Variants in FAM13A observed in about 807,000 individuals in gnomAD.
FAM13A encodes the protein family with sequence similarity 13 member A.
FAM13A carries 76 observed loss-of-function variants against 129.6 expected under a neutral mutation model. That is an observed-to-expected ratio of 0.59 (90% CI 0.49 to 0.71). The LOEUF is 0.71. FAM13A is among the 30% of genes least tolerant of loss of function. FAM13A has a pLI of 0.00. For synonymous variants in FAM13A, 443 were observed against 449.9 expected, an observed-to-expected ratio of 0.98 and a Z score of 0.20; for missense variants, 1,108 against 1,249.3, an observed-to-expected ratio of 0.89 and a Z score of 1.70.
chr4:88,828,538 T>C (rs1282126112), intron 7 of FAM13A, among the ~76,000 whole-genome samples: 1 of 152,224 alleles, frequency 6.6e-6, no homozygotes, highest in Non-Finnish European at 1.5e-5. Flanking sequence ...GAATCTGCTG[T>C]ATATATTATC....
chr4:88,942,765 C>T (rs1049352496), intron 4 of FAM13A, among the ~76,000 whole-genome samples: 13 of 151,998 alleles, frequency 8.6e-5, no homozygotes, highest in Non-Finnish European at 1.3e-4. Flanking sequence ...ACTAACTCTC[C>T]GAATTGCCTA....
chr4:88,961,347 CTTTTTTTTTTTTTTTTTTTTTTTTTT>C (rs773764813), intron 4 of FAM13A, among the ~76,000 whole-genome samples: 1 of 55,424 alleles, frequency 1.8e-5, no homozygotes, highest in Non-Finnish European at 3.4e-5. Context: ...TGGAATTTGC[CTTTTTTTTTTTTTTTTTTTTTTTTTT>C]TTTTTTTTTT....
intron 10 of FAM13A, among the ~76,000 whole-genome samples, chr4:88,781,722 G>A (rs1029373877): frequency 1.1e-4 from 16 of 151,908 alleles, no homozygotes; most frequent in African/African-American, 3.4e-4. Flanking sequence ...TTCATACAGT[G>A]TATGGAGAAA....
intron 4 of FAM13A, among the ~76,000 whole-genome samples, chr4:88,965,751 C>G (rs1416151906): frequency 6.6e-6 from 1 of 152,166 alleles, no homozygotes; most frequent in Non-Finnish European, 1.5e-5. Context: ...TGCTAACCAC[C>G]ATTCTACCGT....
At chr4:88,999,896 A>C (rs1764022255) in intron 3 of FAM13A, among the ~76,000 whole-genome samples, 1 of 152,212 alleles carries the variant, frequency 6.6e-6, no homozygotes, top group Non-Finnish European at 1.5e-5. Context: ...CCAAATTTTT[A>C]ATATTTTTTA....
chr4:88,865,299 T>G (rs1249691951), intron 6 of FAM13A, among the ~76,000 whole-genome samples: 2 of 152,214 alleles, frequency 1.3e-5, no homozygotes, highest in Non-Finnish European at 2.9e-5. Context: ...ATTAAAGGAA[T>G]TTTAAGCATA....
At chr4:88,834,959 T>C (rs1213913751) in intron 7 of FAM13A, among the ~76,000 whole-genome samples, 2 of 151,682 alleles carry the variant, frequency 1.3e-5, no homozygotes, top group Non-Finnish European at 2.9e-5. Context: ...GCATTACAGC[T>C]TTTTTTTTCC....
chr4:88,805,671 A>AT (rs1728410325), intron 7 of FAM13A, among the ~76,000 whole-genome samples: 2 of 113,354 alleles, frequency 1.8e-5, no homozygotes, highest in Non-Finnish European at 3.8e-5. Flanking sequence ...ATTGAAAGTT[A>AT]ATTTTTTTTT....
At chr4:88,768,827 A>G (rs995932244) in intron 11 of FAM13A, among the ~76,000 whole-genome samples, 6 of 152,202 alleles carry the variant, frequency 3.9e-5, no homozygotes, top group Admixed American at 3.9e-4. Context: ...ACCAGGAGGC[A>G]TATATGTAAG....
Position 88,737,460 on chromosome 4 carries a change from T to C in FAM13A, c.2646+12A>G. On this transcript the variant is annotated intron_variant, in intron 21 of 23. Transcript: ENST00000264344. ...GCGGATTTAGCAATGGGTTAGCAGC[T>C]GGGGTCTTCACCTTTATCTCCTTGA... 1 of 1,611,974 alleles carries C rather than the reference T, an allele frequency of 6.2e-7. No homozygotes were observed. The highest frequency in any genetic ancestry group is 8.5e-7 in the Non-Finnish European group (1 of 1,178,136).
chr4:88,976,200 G>A (rs1424093087), intron 4 of FAM13A, among the ~76,000 whole-genome samples: 1 of 152,136 alleles, frequency 6.6e-6, no homozygotes, highest in Non-Finnish European at 1.5e-5. Context: ...ATAACTGGCT[G>A]ACTTAAAAGA....
At chr4:88,916,916 T>A (rs551089509) in intron 5 of FAM13A, among the ~76,000 whole-genome samples, 7 of 152,292 alleles carry the variant, frequency 4.6e-5, no homozygotes, top group African/African-American at 1.7e-4. Flanking sequence ...AAGGTAAAGA[T>A]GAGAACAGGT....
At position 88,886,991 on chromosome 4, in the gene FAM13A, C is replaced by T. The variant is rs192357788; in HGVS notation, c.843+19388G>A. 7.7e-4 allele frequency among the ~76,000 whole-genome samples: 117 copies of T among 152,062 alleles called. 1 individual carries two copies. Among genetic ancestry groups the T allele is most frequent in the Admixed American group, 4.8e-3 (74 of 15,260 alleles). On this transcript the variant is annotated intron_variant, in intron 6 of 23. Coordinates refer to ENST00000264344, the MANE Select transcript of FAM13A (RefSeq NM_014883.4). ...TAAAAAGGAACAAAATAATGGCATT[C>T]GCAACAACCTGGATGGAATTAGAGA... is the stretch of plus-strand genomic sequence containing the variant.
rs147773203 is a variant in FAM13A, at chr4:88,798,072, T to C, written c.1049+6939A>G. Reference sequence around the variant, plus strand: ...GGGAAGGTAGATTGTTCTTAGTTTATATAATTGTCCACTTGGCTGTGAGCA... The same window carrying C: ...GGGAAGGTAGATTGTTCTTAGTTTACATAATTGTCCACTTGGCTGTGAGCA... On this transcript the variant is annotated intron_variant, in intron 8 of 23. Coordinates refer to ENST00000264344, the MANE Select transcript of FAM13A (RefSeq NM_014883.4). Among the ~76,000 whole-genome samples the C allele has an allele frequency of 8.1e-4, 123 of 152,344 alleles. 1 individual carries two copies. The East Asian group carries it at 0.017, about 21-fold the overall frequency.
At chr4:88,914,615 C>T (rs1209971976) in intron 5 of FAM13A, among the ~76,000 whole-genome samples, 1 of 152,200 alleles carries the variant, frequency 6.6e-6, no homozygotes, top group Non-Finnish European at 1.5e-5. Context: ...CCATCTTTAA[C>T]AACCTTATCT....
chr4:88,984,050 G>A (rs1211571500), intron 4 of FAM13A, among the ~76,000 whole-genome samples: 1 of 152,060 alleles, frequency 6.6e-6, no homozygotes, highest in Non-Finnish European at 1.5e-5. Flanking sequence ...TAATTCAATG[G>A]GGAAAAACAA....
chr4:88,994,005 AT>A (rs1204509045), intron 3 of FAM13A, among the ~76,000 whole-genome samples: 1 of 151,962 alleles, frequency 6.6e-6, no homozygotes, highest in African/African-American at 2.4e-5. Context: ...AAAAAAAAAA[AT>A]CATTCATGGC....
intron 5 of FAM13A, among the ~76,000 whole-genome samples, chr4:88,908,932 T>G (rs907834680): frequency 1.3e-5 from 2 of 152,188 alleles, no homozygotes; most frequent in African/African-American, 4.8e-5. Flanking sequence ...CCCATGGTAC[T>G]TAGATTTCTG....
At chr4:88,946,005 T>C (rs1755763737) in intron 4 of FAM13A, among the ~76,000 whole-genome samples, 2 of 90,524 alleles carry the variant, frequency 2.2e-5, no homozygotes, top group Admixed American at 2.3e-4. Flanking sequence ...TATATATATA[T>C]ATATATATAT....
Sources: allele counts gnomAD v4.1 joint callset (sites outside exome capture counted in the v4.1 genomes callset), GRCh38; gene constraint gnomAD v4.1.1; transcripts MANE v1.5; gene names NCBI Gene and HGNC (gene_info 2026-07-23, HGNC 2026-07-21).